ACSBG1: variants seen among roughly 807,000 people sequenced by gnomAD.
ACSBG1 encodes long-chain-fatty-acid--CoA ligase ACSBG1.
A neutral mutation model predicts 80.2 loss-of-function variants in ACSBG1; 39 were observed. The observed-to-expected ratio is 0.49, with a 90% confidence interval of 0.38 to 0.64. ACSBG1 has a LOEUF of 0.64. ACSBG1 is among the 30% of genes least tolerant of loss of function. ACSBG1 has a pLI of 0.00. For missense variants in ACSBG1, 828 were observed against 966.4 expected (o/e 0.86, Z 1.90); for synonymous variants, 392 against 379.5 (o/e 1.03, Z -0.38).
At position 78,212,520 on chromosome 15, in the gene ACSBG1, C is replaced by T. The variant is rs28412482; in HGVS notation, c.132-4418G>A. 292 of 454,740 alleles carry T rather than the reference C, an allele frequency of 6.4e-4. 1 individual carries two copies. Among genetic ancestry groups the T allele is most frequent in the African/African-American group, 5.5e-3 (277 of 50,154 alleles). 28.2% of individuals were successfully genotyped at this position (454,740 alleles called of 1,614,324 possible). ...GGGAGACTGGCTGCGGGGCAGGAGG[C>T]GGGGGAAGGTGGGCTCCTTGTTCCT... On this transcript the variant is annotated intron_variant, in intron 1 of 13. Transcript: ENST00000258873.
chr15:78,229,089 T>G (rs1422520810), intron 1 of ACSBG1, among the ~76,000 whole-genome samples: 1 of 130,412 alleles, frequency 7.7e-6, no homozygotes, highest in Admixed American at 7.8e-5. Context: ...TTTTTTTTTA[T>G]TCATTCATGG....
chr15:78,228,755 C>T (rs1401568252), intron 1 of ACSBG1, among the ~76,000 whole-genome samples: 1 of 152,202 alleles, frequency 6.6e-6, no homozygotes, highest in African/African-American at 2.4e-5. Flanking sequence ...CAAATCTGCC[C>T]TGTTCCCACT....
At chr15:78,179,139 G>A (rs182023367) in intron 10 of ACSBG1, among the ~76,000 whole-genome samples, 22 of 152,192 alleles carry the variant, frequency 1.4e-4, no homozygotes, top group African/African-American at 5.1e-4. Context: ...AGAACTGACC[G>A]CCCTCACCGT....
chr15:78,169,282 C>T lies in ACSBG1; in HGVS notation c.*2162G>A. ...TGAGTGGACTGTATCATTTGCTATT[C>T]TAAACCATTTTACACTTAAGTTAAA... is the stretch of plus-strand genomic sequence containing the variant. On this transcript the variant is annotated 3_prime_UTR_variant, in exon 14 of 14. Coordinates refer to ENST00000258873, the MANE Select transcript of ACSBG1 (RefSeq NM_015162.5). 3.9e-6 allele frequency: 1 copy of T among 257,708 alleles called. No homozygotes were observed. The highest frequency in any genetic ancestry group is 7.3e-6 in the Non-Finnish European group (1 of 137,184). The allele number at this position is 257,708 out of a possible 1,614,324, so 16.0% of individuals were successfully genotyped here. A position where few individuals can be genotyped will look rare whatever the true frequency, so the allele number is the denominator to read the frequency against.
chr15:78,200,000 CCTT>C (rs1408063993), intron 2 of ACSBG1, among the ~76,000 whole-genome samples: 1 of 152,184 alleles, frequency 6.6e-6, no homozygotes, highest in Non-Finnish European at 1.5e-5. Context: ...CTCCAGCCCT[CCTT>C]CTCGGTTTAG....
In ACSBG1 at chr15:78,178,997, A is replaced by C. The variant is rs566307144; in HGVS notation, c.1485-166T>G. On this transcript the variant is annotated intron_variant, in intron 10 of 13. Coordinates refer to ENST00000258873, the MANE Select transcript of ACSBG1 (RefSeq NM_015162.5). The surrounding 1 kb of genome is among the most constrained non-coding windows in gnomAD (Gnocchi z 4.3). ...GACTTACAGCTGAAAGGTAGAGCCA[A>C]GTAAAGGGTTTTAGGGAATGAAGGA... The C allele has an allele frequency of 2.3e-5, 15 of 658,724 alleles. No homozygotes were observed. The East Asian group carries it at 3.9e-4, about 17-fold the overall frequency. 40.8% of individuals were successfully genotyped at this position (658,724 alleles called of 1,614,324 possible). A position where few individuals can be genotyped will look rare whatever the true frequency, so the allele number is the denominator to read the frequency against.
chr15:78,192,671 C>T (rs1215028841), intron 5 of ACSBG1, among the ~76,000 whole-genome samples: 1 of 152,218 alleles, frequency 6.6e-6, no homozygotes, highest in Non-Finnish European at 1.5e-5. Context: ...GAAACTTCTC[C>T]ACTAGAAATG....
At chr15:78,206,455 T>A (rs2075215816) in intron 2 of ACSBG1, among the ~76,000 whole-genome samples, 1 of 152,130 alleles carries the variant, frequency 6.6e-6, no homozygotes, top group South Asian at 2.1e-4. Context: ...AGATTGTCCG[T>A]CTCAGTCTCC....
Position 78,233,240 on chromosome 15 carries a change from C to T in ACSBG1, c.131+1131G>A, listed in dbSNP as rs373993111. On this transcript the variant is annotated intron_variant, in intron 1 of 13. Transcript: ENST00000258873. The stretch of plus-strand genomic sequence containing the variant: ...GGAAGAGTCCCTGCTTCTGGAAGAA[C>T]AGGAGTCCACTTTGGATTAGCAGGG... Among the ~76,000 whole-genome samples, 10 of 152,230 alleles carry T rather than the reference C, an allele frequency of 6.6e-5. No homozygotes were observed. In the South Asian group the frequency reaches 1.9e-3, roughly 28 times the overall value.
intron 3 of ACSBG1, 52 bp from the exon 4 acceptor site, chr15:78,194,072 T>C: frequency 6.4e-7 from 1 of 1,565,656 alleles, no homozygotes; most frequent in Non-Finnish European, 8.8e-7. Flanking sequence ...ACTGGGACCC[T>C]CATGCCCCTC....
At chr15:78,206,813 G>A (rs929339248) in intron 2 of ACSBG1, among the ~76,000 whole-genome samples, 1 of 152,256 alleles carries the variant, frequency 6.6e-6, no homozygotes, top group African/African-American at 2.4e-5. Context: ...TGGGGATTAT[G>A]TGTTTCTCCC....
chr15:78,181,063 CA>C, intron 8 of ACSBG1, 127 bp from the exon 9 acceptor site: 1 of 1,067,748 alleles, frequency 9.4e-7, no homozygotes, highest in Non-Finnish European at 1.3e-6. Context: ...CACCTGCACG[CA>C]AGGGTGGCAC....
rs965048786 is a variant in ACSBG1, at chr15:78,167,664, C to A, written c.*3780G>T. On this transcript the variant is annotated 3_prime_UTR_variant, in exon 14 of 14. Coordinates refer to ENST00000258873, the MANE Select transcript of ACSBG1 (RefSeq NM_015162.5). ...TCTGCACCCGTTAAACAGTAACTTT[C>A]CCTTCCCCCTCCCATCCTCTGACAC... is the stretch of plus-strand genomic sequence containing the variant. 2 of 152,204 alleles carry A rather than the reference C, an allele frequency of 1.3e-5. No homozygotes were observed. Among genetic ancestry groups the A allele is most frequent in the African/African-American group, 4.8e-5 (2 of 41,436 alleles). 9.4% of individuals were successfully genotyped at this position (152,204 alleles called of 1,614,324 possible).
At chr15:78,194,084 C>T in intron 3 of ACSBG1, 64 bp from the exon 4 acceptor site, 2 of 1,515,282 alleles carry the variant, frequency 1.3e-6, no homozygotes, top group Non-Finnish European at 1.8e-6. Flanking sequence ...ATGCCCCTCT[C>T]AGAGCCCCCA....
chr15:78,195,305 T>C (rs955981848), intron 2 of ACSBG1, among the ~76,000 whole-genome samples: 1 of 152,284 alleles, frequency 6.6e-6, no homozygotes, highest in African/African-American at 2.4e-5. Context: ...CAGCATGGGT[T>C]TGGAGAGCTC....
At chr15:78,209,095 G>T in intron 1 of ACSBG1, 1 of 432,198 alleles carries the variant, frequency 2.3e-6, no homozygotes, top group Non-Finnish European at 4.6e-6. Flanking sequence ...GTCAGTTAGG[G>T]TGGGGCTAGC....
At position 78,170,638 on chromosome 15, in the gene ACSBG1, G is replaced by C. The variant is rs184613469; in HGVS notation, c.*806C>G. 6 of 152,372 alleles carry C rather than the reference G, an allele frequency of 3.9e-5. No homozygotes were observed. The East Asian group carries it at 1.2e-3, about 29-fold the overall frequency. 9.4% of individuals were successfully genotyped at this position (152,372 alleles called of 1,614,324 possible). A position where few individuals can be genotyped will look rare whatever the true frequency, so the allele number is the denominator to read the frequency against. ...ATGGCTGCTTCCCGTATTCAGAATG[G>C]AAGTGGGGTGGTCTGGTGGCGACAG... On this transcript the variant is annotated 3_prime_UTR_variant, in exon 14 of 14. Transcript: ENST00000258873.
intron 11 of ACSBG1, among the ~76,000 whole-genome samples, chr15:78,176,344 T>A (rs2074882862): frequency 6.6e-6 from 1 of 152,174 alleles, no homozygotes; most frequent in Non-Finnish European, 1.5e-5. Context: ...AAAAAATTCA[T>A]CTGCTATTTG....
At chr15:78,218,699 AC>A (rs1351047291) in intron 1 of ACSBG1, among the ~76,000 whole-genome samples, 3 of 152,170 alleles carry the variant, frequency 2.0e-5, no homozygotes, top group Middle Eastern at 3.4e-3. Context: ...AGATGAAGTA[AC>A]TTGCTAAAGG....
Sources: gnomAD v4.1 joint callset for allele counts (sites outside exome capture counted in the v4.1 genomes callset) on GRCh38, gnomAD v4.1.1 for gene constraint, Gnocchi (gnomAD v3.1) non-coding constraint, MANE v1.5 for transcripts, NCBI Gene and HGNC (gene_info 2026-07-23, HGNC 2026-07-21) for gene names.